Variants in DMD observed in about 807,000 individuals in gnomAD.
DMD encodes the protein mutant dystrophin.
Under a neutral mutation model 330.1 loss-of-function variants are expected in DMD, and 63 were observed. The observed-to-expected ratio is 0.19, with a 90% CI of 0.16 to 0.24. The LOEUF (loss-of-function observed/expected upper bound fraction) is 0.24. DMD is among the 10% of genes least tolerant of loss of function. The probability of loss-of-function intolerance (pLI) is 1.00; values close to 1 mark genes in which losing one functional copy is unlikely to be tolerated. For synonymous variants in DMD, 1,223 were observed against 959.8 expected, an observed-to-expected ratio of 1.27 and a Z score of -5.07; for missense variants, 3,344 against 2,684.1, an observed-to-expected ratio of 1.25 and a Z score of -5.43.
In DMD at chrX:31,911,703, G is replaced by A. The variant is rs181773485; in HGVS notation, c.6912+17893C>T. Among the ~76,000 whole-genome samples the A allele has an allele frequency of 2.1e-3, 235 of 111,596 alleles. 1 individual carries two copies. The highest frequency in any genetic ancestry group is 7.3e-3 in the African/African-American group (224 of 30,701). Reference sequence around the variant, plus strand: ...GCTAACAAACGCACAGTGCAGTGGTGGTTCAAGAAGTTTTTCAAAGGAGAT... The same window carrying A: ...GCTAACAAACGCACAGTGCAGTGGTAGTTCAAGAAGTTTTTCAAAGGAGAT... On this transcript the variant is annotated intron_variant, in intron 47 of 78. Transcript: ENST00000357033.
chrX:32,811,178 T>TTAA (rs1363211065), intron 6 of DMD, among the ~76,000 whole-genome samples: 2 of 86,516 alleles, frequency 2.3e-5, no homozygotes, highest in East Asian at 3.6e-4. Context: ...TACAACTTAT[T>TTAA]AAAAAAAAAA....
At chrX:31,144,405 G>A (rs1159436211) in intron 76 of DMD, among the ~76,000 whole-genome samples, 7 of 111,848 alleles carry the variant, frequency 6.3e-5, no homozygotes, top group South Asian at 3.8e-4. Context: ...TCAGCAGCTC[G>A]CTGGGAGGCA....
chrX:32,402,606 A>C (rs953239554), intron 30 of DMD, among the ~76,000 whole-genome samples: 14 of 111,601 alleles, frequency 1.3e-4, no homozygotes, highest in Non-Finnish European at 2.4e-4. Context: ...ATGCTTTCAA[A>C]ATATTAGATA....
intron 16 of DMD, among the ~76,000 whole-genome samples, chrX:32,562,566 A>T (rs1445641069): frequency 8.9e-6 from 1 of 112,824 alleles, no homozygotes; most frequent in African/African-American, 3.2e-5. Context: ...ATTTAAAAGA[A>T]TTTTTGAAAC....
intron 2 of DMD, among the ~76,000 whole-genome samples, chrX:32,891,575 A>C (rs1048871038): frequency 6.3e-5 from 7 of 111,917 alleles, no homozygotes; most frequent in Admixed American, 5.7e-4. Flanking sequence ...CAAATGAGAA[A>C]AATCAGGCTT....
At chrX:31,375,784 C>A (rs1234209006) in intron 60 of DMD, among the ~76,000 whole-genome samples, 1 of 111,627 alleles carries the variant, frequency 9.0e-6, no homozygotes, top group Non-Finnish European at 1.9e-5. Flanking sequence ...AAGTCCACTA[C>A]ATGACAACAT....
At chrX:31,790,444 G>A (rs948267858) in intron 50 of DMD, among the ~76,000 whole-genome samples, 7 of 111,740 alleles carry the variant, frequency 6.3e-5, no homozygotes, top group Non-Finnish European at 1.3e-4. Context: ...GGTGATTAGT[G>A]AATCAGATTT....
At chrX:31,621,591 A>C (rs2078534711) in intron 55 of DMD, among the ~76,000 whole-genome samples, 1 of 111,919 alleles carries the variant, frequency 8.9e-6, no homozygotes, top group South Asian at 3.8e-4. Context: ...TATGCATTTT[A>C]CATATATCTT....
intron 44 of DMD, among the ~76,000 whole-genome samples, chrX:32,171,302 CAGAT>C (rs1409718482): frequency 1.8e-5 from 2 of 111,731 alleles, no homozygotes; most frequent in Admixed American, 9.5e-5. Context: ...AAAACACAGT[CAGAT>C]AGGCAGTTTT....
chrX:32,923,023 T>C (rs1332298504), intron 2 of DMD, among the ~76,000 whole-genome samples: 2 of 111,691 alleles, frequency 1.8e-5, no homozygotes, highest in Admixed American at 9.5e-5. Context: ...TTTCCTATAT[T>C]TTAACAGAAA....
At chrX:32,333,724 C>A (rs1335257158) in intron 41 of DMD, among the ~76,000 whole-genome samples, 1 of 111,036 alleles carries the variant, frequency 9.0e-6, no homozygotes, top group Non-Finnish European at 1.9e-5. Flanking sequence ...TTCCCCTTTA[C>A]AGCTGAGGGA....
chrX:31,932,150 T>C lies in DMD; in HGVS notation c.6692A>G (p.Asp2231Gly), dbSNP rs753677881. The C allele has an allele frequency of 3.3e-6, 4 of 1,196,948 alleles. No homozygotes were observed. The highest frequency in any genetic ancestry group is 1.8e-5 in the African/African-American group (1 of 57,005). ...TTCAAGTGGGATACTAGCAATGTTA[T>C]CTGCTTCCTCCAACCATAAAACAAA... ...NEFVLWLEEADNIASIPLEPG... is the reference protein window; with the variant it reads ...NEFVLWLEEAGNIASIPLEPG... Residue 2231 changes from aspartate to glycine, a missense_variant, in exon 46 of 79, where the codon GAT (aspartate) becomes GGT (glycine). Transcript: ENST00000357033.
At chrX:32,148,958 T>C (rs1452716022) in intron 44 of DMD, among the ~76,000 whole-genome samples, 2 of 112,082 alleles carry the variant, frequency 1.8e-5, no homozygotes, top group African/African-American at 6.5e-5. Context: ...GTCTTTACAC[T>C]GAATACTTTG....
intron 47 of DMD, among the ~76,000 whole-genome samples, chrX:31,882,279 G>T (rs1413621961): frequency 9.0e-6 from 1 of 111,684 alleles, no homozygotes; most frequent in Non-Finnish European, 1.9e-5. Context: ...TTATACGATG[G>T]TGTCACTTAA....
At chrX:32,092,315 C>T (rs1018399692) in intron 44 of DMD, among the ~76,000 whole-genome samples, 3 of 111,593 alleles carry the variant, frequency 2.7e-5, no homozygotes. Context: ...TACATTTGTC[C>T]ACCCTGTGCT....
intron 61 of DMD, among the ~76,000 whole-genome samples, chrX:31,326,538 C>T (rs892991420): frequency 8.0e-4 from 85 of 105,768 alleles, no homozygotes; most frequent in African/African-American, 2.8e-3. Context: ...AACTGCTTTG[C>T]AGTCATTGTT....
At chrX:32,409,683 T>C (rs563890624) in intron 30 of DMD, among the ~76,000 whole-genome samples, 1 of 112,092 alleles carries the variant, frequency 8.9e-6, no homozygotes, top group African/African-American at 3.2e-5. Context: ...AAGTACAAAC[T>C]TGCAATATTA....
intron 50 of DMD, among the ~76,000 whole-genome samples, chrX:31,792,299 T>A (rs1340868917): frequency 8.9e-6 from 1 of 112,523 alleles, no homozygotes; most frequent in Non-Finnish European, 1.9e-5. Context: ...ATGAGAAATG[T>A]CACATCTCAT....
rs749903671 is a variant in DMD, at chrX:32,390,087, T to C, written c.4328A>G (p.Gln1443Arg). The change falls in exon 31 of 79, where the codon CAG (glutamine) becomes CGG (arginine). Residue 1443 changes from glutamine to arginine, a missense_variant. By Grantham distance (43) the Gln-to-Arg change is conservative. Coordinates refer to ENST00000357033, the MANE Select transcript of DMD (RefSeq NM_004006.3). ...GKEAAQRVLSQIDVAQKKLQD... is the reference protein window; with the variant it reads ...GKEAAQRVLSRIDVAQKKLQD... ...AACATATACCTGTGCAACATCAATC[T>C]GAGACAGGACTCTTTGGGCAGCCTC... 7.5e-6 allele frequency: 9 copies of C among 1,205,571 alleles called. No individual in the cohort carries two copies. The Admixed American group carries it at 1.3e-4, about 18-fold the overall frequency.
Sources: gnomAD v4.1 joint callset for allele counts (sites outside exome capture counted in the v4.1 genomes callset) on GRCh38, gnomAD v4.1.1 for gene constraint, MANE v1.5 for transcripts, NCBI Gene and HGNC (gene_info 2026-07-23, HGNC 2026-07-21) for gene names.